Variants in SLC25A12 observed in about 807,000 individuals in gnomAD.
The protein encoded by SLC25A12 is solute carrier family 25 member 12, also known as electrogenic aspartate/glutamate antiporter SLC25A12, mitochondrial.
In SLC25A12, 32 loss-of-function variants were observed where a neutral mutation model predicts 83.3. That is an observed-to-expected ratio of 0.38 (90% confidence interval 0.29 to 0.52). The LOEUF (loss-of-function observed/expected upper bound fraction) is 0.52, where lower values mean the gene tolerates loss of function less well. Ranked by LOEUF, SLC25A12 falls within the 20% of genes least tolerant of loss-of-function variation. The probability of loss-of-function intolerance (pLI) is 0.84; values close to 1 mark genes in which losing one functional copy is unlikely to be tolerated. For synonymous variants in SLC25A12, 267 were observed against 291.1 expected, an observed-to-expected ratio of 0.92 and a Z score of 0.84; for missense variants, 611 against 835.6, an observed-to-expected ratio of 0.73 and a Z score of 3.31.
chr2:171,805,149 C>T (rs1359927693), intron 13 of SLC25A12, among the ~76,000 whole-genome samples: 1 of 150,954 alleles, frequency 6.6e-6, no homozygotes, highest in Non-Finnish European at 1.5e-5. Context: ...CACTCTGTTG[C>T]CCAAGCTGGA....
chr2:171,849,993 A>T (rs949371140), intron 4 of SLC25A12, among the ~76,000 whole-genome samples: 4 of 151,858 alleles, frequency 2.6e-5, no homozygotes, highest in African/African-American at 9.7e-5. Context: ...TAGTAAAGAC[A>T]GGGTTTCACC....
chr2:171,882,225 T>G (rs1032537762), intron 2 of SLC25A12, among the ~76,000 whole-genome samples: 2 of 152,164 alleles, frequency 1.3e-5, no homozygotes, highest in African/African-American at 4.8e-5. Flanking sequence ...GGTAACTGCA[T>G]GCTAATTTTT....
At chr2:171,787,434 ACT>A (rs1225166380) in intron 17 of SLC25A12, 135 bp downstream of exon 17, 13 of 790,536 alleles carry the variant, frequency 1.6e-5, no homozygotes, top group Non-Finnish European at 3.0e-5. Context: ...TCTTAAGCTC[ACT>A]GTTTTAAATG....
intron 8 of SLC25A12, among the ~76,000 whole-genome samples, chr2:171,829,981 AG>A (rs978372413): frequency 6.6e-6 from 1 of 152,260 alleles, no homozygotes; most frequent in Non-Finnish European, 1.5e-5. Context: ...GGAATAACTA[AG>A]GCAGTAAATT....
intron 8 of SLC25A12, among the ~76,000 whole-genome samples, chr2:171,832,020 C>T (rs1684442060): frequency 6.6e-6 from 1 of 152,068 alleles, no homozygotes; most frequent in Admixed American, 6.5e-5. Context: ...AGAGCTACAC[C>T]CTAGAGATTA....
chr2:171,858,510 T>C (rs1218152517), intron 3 of SLC25A12, among the ~76,000 whole-genome samples: 1 of 152,230 alleles, frequency 6.6e-6, no homozygotes, highest in Non-Finnish European at 1.5e-5. Flanking sequence ...AAACCTTCTA[T>C]ATTTATGAGA....
chr2:171,874,059 T>C (rs145196290), intron 2 of SLC25A12, among the ~76,000 whole-genome samples: 2,850 of 152,172 alleles, frequency 0.019, 57 homozygotes, highest in Admixed American at 0.068. Context: ...AAACCCCATC[T>C]CTACTAAAAA....
intron 13 of SLC25A12, among the ~76,000 whole-genome samples, chr2:171,800,959 T>A (rs1453647888): frequency 1.3e-5 from 2 of 152,174 alleles, no homozygotes; most frequent in Admixed American, 6.6e-5. Flanking sequence ...AGGGACTGAA[T>A]GGAAAGACGC....
chr2:171,834,005 A>G lies in SLC25A12; in HGVS notation c.803T>C (p.Ile268Thr). 1.2e-6 allele frequency: 2 copies of G among 1,609,734 alleles called. No individual in the cohort carries two copies. Among genetic ancestry groups the G allele is most frequent in the Non-Finnish European group, 8.5e-7 (1 of 1,176,132 alleles). Residue 268 changes from isoleucine to threonine, a missense_variant, in exon 8 of 18, where the codon ATT becomes ACT. Physicochemically the swap from Ile to Thr is moderately conservative, Grantham distance 89 (BLOSUM62 -1). Around this residue, in one of 3 missense-constraint regions of SLC25A12, gnomAD observed 540 missense variants for 777.5 expected, o/e 0.69. Coordinates refer to ENST00000422440, the MANE Select transcript of SLC25A12 (RefSeq NM_003705.5). ...IRYGQVTPLE[I>T]DILYQLADLY... is the part of the protein sequence containing the mutation. Reference sequence around the variant, plus strand: ...GTCTGCAAGCTGATATAGAATATCAATTTCTAGTGGTGTGACTTGTCCATA... The same window carrying G: ...GTCTGCAAGCTGATATAGAATATCAGTTTCTAGTGGTGTGACTTGTCCATA...
At chr2:171,842,977 C>G (rs1435259948) in intron 5 of SLC25A12, among the ~76,000 whole-genome samples, 1 of 152,046 alleles carries the variant, frequency 6.6e-6, no homozygotes, top group Non-Finnish European at 1.5e-5. Flanking sequence ...CTCACCACCT[C>G]GCCTGGCTAA....
chr2:171,833,672 T>C (rs1684495206), intron 8 of SLC25A12, among the ~76,000 whole-genome samples: 1 of 152,042 alleles, frequency 6.6e-6, no homozygotes. Flanking sequence ...CTTATTCCTA[T>C]CTCACCTCAC....
intron 14 of SLC25A12, 114 bp downstream of exon 14, chr2:171,793,513 C>A (rs1683532299): frequency 9.3e-7 from 1 of 1,074,534 alleles, no homozygotes; most frequent in African/African-American, 1.6e-5. Context: ...GTTTGATTTT[C>A]TGCTCCACAG....
intron 9 of SLC25A12, among the ~76,000 whole-genome samples, chr2:171,819,991 T>C (rs1030588372): frequency 1.3e-5 from 2 of 152,176 alleles, no homozygotes. Context: ...ATACCGTATG[T>C]TCTCACTTAT....
intron 2 of SLC25A12, among the ~76,000 whole-genome samples, chr2:171,879,349 G>C (rs563894306): frequency 6.6e-6 from 1 of 152,140 alleles, no homozygotes; most frequent in Non-Finnish European, 1.5e-5. Flanking sequence ...TTGCTTCCAT[G>C]AATACTATGT....
intron 13 of SLC25A12, among the ~76,000 whole-genome samples, chr2:171,801,269 A>G (rs1400447887): frequency 1.3e-5 from 2 of 152,206 alleles, no homozygotes; most frequent in African/African-American, 4.8e-5. Context: ...GGTCTAAAAA[A>G]ATCAGAATAC....
intron 2 of SLC25A12, among the ~76,000 whole-genome samples, chr2:171,882,914 C>T (rs1236254581): frequency 1.3e-5 from 2 of 152,078 alleles, no homozygotes; most frequent in Non-Finnish European, 2.9e-5. Context: ...CCAGACTGAG[C>T]GAATGAAGTT....
At chr2:171,893,470 A>G (rs561963374) in intron 1 of SLC25A12, among the ~76,000 whole-genome samples, 1 of 152,364 alleles carries the variant, frequency 6.6e-6, no homozygotes, top group African/African-American at 2.4e-5. Flanking sequence ...CCTAAGATAC[A>G]GCAAAGCTAT....
intron 1 of SLC25A12, 102 bp from the exon 2 acceptor site, chr2:171,893,360 T>G: frequency 4.0e-6 from 4 of 1,004,072 alleles, no homozygotes; most frequent in Non-Finnish European, 6.3e-6. Context: ...GCTCCTATCT[T>G]TTATCATTTA....
At chr2:171,889,599 C>T (rs1685889521) in intron 2 of SLC25A12, among the ~76,000 whole-genome samples, 2 of 152,172 alleles carry the variant, frequency 1.3e-5, no homozygotes, top group African/African-American at 4.8e-5. Flanking sequence ...AATCCAAATT[C>T]CTTGGCTAAC....
Sources: gnomAD v4.1 joint callset for allele counts (sites outside exome capture counted in the v4.1 genomes callset) on GRCh38, gnomAD v4.1.1 for gene constraint, gnomAD v4.1.1 regional missense constraint, MANE v1.5 for transcripts, NCBI Gene and HGNC (gene_info 2026-07-23, HGNC 2026-07-21) for gene names.